The following LCOR variants were observed in gnomAD, a reference collection of about 807,000 sequenced individuals.
LCOR encodes the protein ligand-dependent corepressor.
Under a neutral mutation model 64.4 loss-of-function variants are expected in LCOR, and 14 were observed. That is an observed-to-expected ratio of 0.22 (90% confidence interval 0.14 to 0.34). The LOEUF (loss-of-function observed/expected upper bound fraction) is 0.34. Among genes scored for constraint, LCOR ranks in the 10% least tolerant of loss-of-function variants. LCOR has a pLI of 1.00. For missense variants in LCOR, 1,686 were observed against 1,765.3 expected (o/e 0.96, Z 0.80); for synonymous variants, 643 against 642.5 (o/e 1.00, Z -0.01).
intron 2 of LCOR, among the ~76,000 whole-genome samples, chr10:96,899,834 C>T (rs1447193942): frequency 6.6e-6 from 1 of 152,042 alleles, no homozygotes; most frequent in Admixed American, 6.5e-5. Flanking sequence ...ATTAGAATTA[C>T]AAGGCTGGCT....
intron 7 of LCOR, among the ~76,000 whole-genome samples, chr10:96,954,034 G>A (rs1018001712): frequency 3.3e-5 from 5 of 152,112 alleles, no homozygotes; most frequent in South Asian, 4.1e-4. Flanking sequence ...TTTGAAAGCC[G>A]TCCATTTGAA....
chr10:96,956,707 G>T (rs1186458068), intron 7 of LCOR: 1 of 985,702 alleles, frequency 1.0e-6, no homozygotes, highest in African/African-American at 1.7e-5. Flanking sequence ...AACAAGTGAG[G>T]ATATAGCCTT....
intron 2 of LCOR, among the ~76,000 whole-genome samples, chr10:96,868,122 G>A (rs1277577518): frequency 6.6e-6 from 1 of 152,028 alleles, no homozygotes; most frequent in Admixed American, 6.5e-5. Flanking sequence ...GACCTCAGGT[G>A]ATCCACCCGC....
intron 2 of LCOR, among the ~76,000 whole-genome samples, chr10:96,841,509 T>A (rs1845541028): frequency 6.6e-6 from 1 of 151,944 alleles, no homozygotes; most frequent in Admixed American, 6.6e-5. Context: ...TAGAGGTGTG[T>A]GCCACCATGC....
chr10:96,834,270 A>G (rs763786835), intron 2 of LCOR, among the ~76,000 whole-genome samples: 10 of 152,234 alleles, frequency 6.6e-5, no homozygotes, highest in Non-Finnish European at 1.0e-4. Context: ...GCATTTTCAA[A>G]CATATGCTTG....
At chr10:96,860,334 C>T (rs535247705) in intron 2 of LCOR, among the ~76,000 whole-genome samples, 101 of 152,162 alleles carry the variant, frequency 6.6e-4, no homozygotes, top group African/African-American at 2.4e-3. Flanking sequence ...CAAGTGATAA[C>T]TCCAGAAGAA....
intron 2 of LCOR, among the ~76,000 whole-genome samples, chr10:96,879,450 A>G (rs560771986): frequency 5.9e-5 from 9 of 152,200 alleles, no homozygotes; most frequent in Non-Finnish European, 7.3e-5. Context: ...AGCCATCTCC[A>G]CACAGAGTTT....
At chr10:96,845,149 AAAG>A (rs1262917850) in intron 2 of LCOR, among the ~76,000 whole-genome samples, 15 of 152,238 alleles carry the variant, frequency 9.9e-5, no homozygotes, top group African/African-American at 3.6e-4. Flanking sequence ...CAACTTAAAA[AAAG>A]ATGATAACTC....
chr10:96,914,913 T>TG (rs1171915796), intron 4 of LCOR, among the ~76,000 whole-genome samples: 5 of 152,292 alleles, frequency 3.3e-5, no homozygotes, highest in African/African-American at 1.2e-4. Context: ...AACCAATTAT[T>TG]GGGGGTCAGG....
At chr10:96,904,041 G>C in intron 2 of LCOR, among the ~76,000 whole-genome samples, 1 of 152,166 alleles carries the variant, frequency 6.6e-6, no homozygotes, top group East Asian at 1.9e-4. Context: ...TTAGGCAACT[G>C]ACTTTTATTT....
At chr10:96,856,909 T>C (rs906428241) in intron 2 of LCOR, among the ~76,000 whole-genome samples, 2 of 151,872 alleles carry the variant, frequency 1.3e-5, no homozygotes, top group Non-Finnish European at 2.9e-5. Context: ...GAAGGTTTGT[T>C]TACCTGGGAT....
intron 2 of LCOR, among the ~76,000 whole-genome samples, chr10:96,897,292 C>T (rs1161950602): frequency 6.6e-6 from 1 of 152,140 alleles, no homozygotes; most frequent in Non-Finnish European, 1.5e-5. Flanking sequence ...TCTGCAAGCA[C>T]ATTTTTATTT....
chr10:96,946,294 C>A (rs1305111755), intron 5 of LCOR, among the ~76,000 whole-genome samples: 1 of 151,922 alleles, frequency 6.6e-6, no homozygotes, highest in African/African-American at 2.4e-5. Flanking sequence ...GATTTGGTCC[C>A]TTGTTTCAAA....
intron 2 of LCOR, among the ~76,000 whole-genome samples, chr10:96,883,962 A>G (rs1307966900): frequency 6.6e-6 from 1 of 152,200 alleles, no homozygotes; most frequent in Non-Finnish European, 1.5e-5. Context: ...AGTGATATAG[A>G]TAGCTCACAG....
At chr10:96,885,208 A>G (rs973365034) in intron 2 of LCOR, among the ~76,000 whole-genome samples, 1 of 152,172 alleles carries the variant, frequency 6.6e-6, no homozygotes, top group Non-Finnish European at 1.5e-5. Context: ...CTTTACAGTT[A>G]TTTAGAACAT....
At chr10:96,902,938 A>T (rs975014056) in intron 2 of LCOR, among the ~76,000 whole-genome samples, 10 of 152,206 alleles carry the variant, frequency 6.6e-5, no homozygotes, top group Non-Finnish European at 1.5e-5. Flanking sequence ...AATATAGCCT[A>T]CTACATACCT....
At chr10:96,927,078 G>A (rs1045336612) in intron 4 of LCOR, among the ~76,000 whole-genome samples, 3 of 152,064 alleles carry the variant, frequency 2.0e-5, no homozygotes, top group African/African-American at 7.2e-5. Flanking sequence ...TATGTTTAAC[G>A]TTATATTATG....
At position 96,984,028 on chromosome 10, in the gene LCOR, A is replaced by G. The variant is rs1180982484; in HGVS notation, c.3568A>G (p.Thr1190Ala). Residue 1190 changes from threonine (T) to alanine (A), a missense_variant, in exon 8 of 8, where the codon ACA becomes GCA. This residue lies in a region of LCOR where 1,293 missense variants were observed against 1,410.4 expected (regional missense o/e 0.92). Coordinates refer to ENST00000421806, the MANE Select transcript of LCOR (RefSeq NM_001346516.2). ...LSNVCKWFLETTETRSLVIVK... is the reference protein window; with the variant it reads ...LSNVCKWFLEATETRSLVIVK... Reference sequence around the variant, plus strand: ...TAATGTTTGTAAATGGTTCTTAGAGACAACTGAAACCCGGTCTCTAGTCAT... The same window carrying G: ...TAATGTTTGTAAATGGTTCTTAGAGGCAACTGAAACCCGGTCTCTAGTCAT... 3 of 1,613,930 alleles carry G rather than the reference A, an allele frequency of 1.9e-6. No individual in the cohort carries two copies. Among genetic ancestry groups the G allele is most frequent in the Non-Finnish European group, 2.5e-6 (3 of 1,179,996 alleles).
chr10:96,910,172 AC>A (rs1194147305), intron 4 of LCOR, among the ~76,000 whole-genome samples: 3 of 152,198 alleles, frequency 2.0e-5, no homozygotes, highest in Non-Finnish European at 2.9e-5. Flanking sequence ...AGCTAGGACT[AC>A]AGGTACATGC....
Sources: gnomAD v4.1 joint callset for allele counts (sites outside exome capture counted in the v4.1 genomes callset) on GRCh38, gnomAD v4.1.1 for gene constraint, gnomAD v4.1.1 regional missense constraint, MANE v1.5 for transcripts, NCBI Gene and HGNC (gene_info 2026-07-23, HGNC 2026-07-21) for gene names.